The following PFKFB3 variants were observed in gnomAD, a reference collection of about 807,000 sequenced individuals.
PFKFB3 encodes the protein 6-phosphofructo-2-kinase/fructose-2,6-bisphosphatase 3.
A neutral mutation model predicts 68.0 loss-of-function variants in PFKFB3; 33 were observed. That is an observed-to-expected ratio of 0.49 (90% confidence interval 0.37 to 0.65). PFKFB3 has a LOEUF of 0.65. Among genes scored for constraint, PFKFB3 ranks in the 30% least tolerant of loss-of-function variants. PFKFB3 has a pLI of 0.00. For synonymous variants in PFKFB3, 315 were observed against 288.2 expected (o/e 1.09, Z -0.94); for missense variants, 586 against 712.2 (o/e 0.82, Z 2.02).
intron 1 of PFKFB3, among the ~76,000 whole-genome samples, chr10:6,207,426 G>A (rs979283690): frequency 3.3e-5 from 5 of 152,140 alleles, no homozygotes; most frequent in Admixed American, 6.5e-5. Context: ...GGGAGACCGT[G>A]GGGAGAGGGA....
intron 1 of PFKFB3, among the ~76,000 whole-genome samples, chr10:6,187,045 G>A (rs550113077): frequency 1.3e-5 from 2 of 152,032 alleles, no homozygotes; most frequent in South Asian, 2.1e-4. Context: ...GTGCGGTGTG[G>A]GCTTCTGAAA....
chr10:6,310,270 T>G, the PFKFB3 span, among the ~76,000 whole-genome samples: 1 of 152,036 alleles, frequency 6.6e-6, no homozygotes. Flanking sequence ...TGTCCCTGGA[T>G]GGAAACTAGG....
At chr10:6,158,673 C>G (rs936336632) in intron 1 of PFKFB3, among the ~76,000 whole-genome samples, 2 of 152,100 alleles carry the variant, frequency 1.3e-5, no homozygotes, top group Non-Finnish European at 2.9e-5. Flanking sequence ...CAAGACCAGC[C>G]TGGTCGACAT....
the PFKFB3 span, among the ~76,000 whole-genome samples, chr10:6,317,456 A>G: frequency 6.6e-6 from 1 of 152,184 alleles, no homozygotes; most frequent in African/African-American, 2.4e-5. Flanking sequence ...GGGTGTAGGC[A>G]ATTTTCAGGT....
Position 6,234,780 on chromosome 10 carries a change from G to A in PFKFB3, c.*1838G>A, listed in dbSNP as rs1539234. ...TCGCAGGCCTCATTCTTTGAACATC[G>A]ACTCTGAAGTTTGATACAGATAGGG... On this transcript the variant is annotated 3_prime_UTR_variant, in exon 15 of 15. Transcript: ENST00000379775. The A allele has an allele frequency of 0.63, 95,335 of 152,138 alleles. 31,095 individuals carry two copies. The highest frequency in any genetic ancestry group is 0.81 in the African/African-American group (33,578 of 41,454). The allele number at this position is 152,138 out of a possible 1,614,324, so 9.4% of individuals were successfully genotyped here.
chr10:6,283,361 G>T, the PFKFB3 span, among the ~76,000 whole-genome samples: 1 of 152,218 alleles, frequency 6.6e-6, no homozygotes, highest in Non-Finnish European at 1.5e-5. Context: ...CAAAGCAGAA[G>T]TAAGTTTCTT....
Position 6,210,031 on chromosome 10 carries a change from C to T in PFKFB3, c.77-3592C>T, listed in dbSNP as rs546511104. On this transcript the variant is annotated intron_variant, in intron 1 of 14. Coordinates refer to ENST00000379775, the MANE Select transcript of PFKFB3 (RefSeq NM_004566.4). ...CCTCCCAAAGTGCTGGGATTACAGGCGTGAGCCACCGTGCCCGGCCTAATA... is the reference window on the plus strand; with the variant it reads ...CCTCCCAAAGTGCTGGGATTACAGGTGTGAGCCACCGTGCCCGGCCTAATA... 4.3e-5 allele frequency among the ~76,000 whole-genome samples: 6 copies of T among 138,852 alleles called. 1 individual carries two copies. In the East Asian group the frequency reaches 6.1e-4, roughly 14 times the overall value. The allele number at this position is 138,852 out of a possible 152,430, so 91.1% of individuals were successfully genotyped here.
At chr10:6,214,022 C>T (rs867800704) in intron 2 of PFKFB3, among the ~76,000 whole-genome samples, 4 of 152,238 alleles carry the variant, frequency 2.6e-5, no homozygotes, top group African/African-American at 9.6e-5. Flanking sequence ...CTCCAGCCAC[C>T]TCAGTCCTTT....
chr10:6,218,935 G>C (rs1346754968), intron 6 of PFKFB3, among the ~76,000 whole-genome samples: 1 of 152,218 alleles, frequency 6.6e-6, no homozygotes, highest in Non-Finnish European at 1.5e-5. Flanking sequence ...AAGAGCCCAG[G>C]CATTCAGAAA....
At chr10:6,254,126 C>G (rs1445693340) in intron 14 of PFKFB3, 1 of 384,358 alleles carries the variant, frequency 2.6e-6, no homozygotes, top group Non-Finnish European at 4.5e-6. Flanking sequence ...CTCTTTAGCC[C>G]TTTCTGAGGT....
the PFKFB3 span, among the ~76,000 whole-genome samples, chr10:6,319,980 C>G: frequency 6.6e-6 from 1 of 152,186 alleles, no homozygotes; most frequent in African/African-American, 2.4e-5. Flanking sequence ...AGGAGGATCA[C>G]TTGAGCCCAA....
chr10:6,198,266 A>G (rs914269218), upstream of PFKFB3, among the ~76,000 whole-genome samples: 1 of 151,990 alleles, frequency 6.6e-6, no homozygotes, highest in East Asian at 1.9e-4. Flanking sequence ...AAAAAAGAAA[A>G]AGAAAAGAAA....
At chr10:6,194,526 C>T (rs1362652107) in intron 1 of PFKFB3, among the ~76,000 whole-genome samples, 1 of 152,180 alleles carries the variant, frequency 6.6e-6, no homozygotes, top group African/African-American at 2.4e-5. Flanking sequence ...GCAGGCTTAA[C>T]CCATGTGCAG....
chr10:6,181,270 C>T (rs571415351), intron 1 of PFKFB3, among the ~76,000 whole-genome samples: 5 of 152,192 alleles, frequency 3.3e-5, no homozygotes, highest in Non-Finnish European at 7.3e-5. Context: ...ATCCTCTAGT[C>T]TCAGCCTCAG....
chr10:6,165,210 A>G (rs989852841), intron 1 of PFKFB3, among the ~76,000 whole-genome samples: 4 of 152,138 alleles, frequency 2.6e-5, no homozygotes, highest in Admixed American at 2.6e-4. Context: ...GAGAATGGCG[A>G]TGACTTTTAC....
intron 1 of PFKFB3, among the ~76,000 whole-genome samples, chr10:6,179,840 G>A (rs75749908): frequency 6.6e-6 from 1 of 152,172 alleles, no homozygotes; most frequent in Non-Finnish European, 1.5e-5. Context: ...CCAAAGTGGG[G>A]AGGGAGTGGT....
chr10:6,304,182 TGCA>T, the PFKFB3 span, among the ~76,000 whole-genome samples: 36 of 152,338 alleles, frequency 2.4e-4, no homozygotes, highest in African/African-American at 8.7e-4. Context: ...GTTTACTTAC[TGCA>T]GTAACAGATA....
At chr10:6,280,667 G>A in the PFKFB3 span, among the ~76,000 whole-genome samples, 2 of 152,298 alleles carry the variant, frequency 1.3e-5, no homozygotes, top group South Asian at 4.1e-4. Flanking sequence ...AGAGGGGCAT[G>A]AGGCTCTCTA....
chr10:6,255,647 GT>G (rs1280894294), downstream of PFKFB3, among the ~76,000 whole-genome samples: 1 of 152,194 alleles, frequency 6.6e-6, no homozygotes, highest in Non-Finnish European at 1.5e-5. Context: ...AACAAACGAT[GT>G]AGTTGATGGG....
Sources: allele counts gnomAD v4.1 joint callset (sites outside exome capture counted in the v4.1 genomes callset), GRCh38; gene constraint gnomAD v4.1.1; transcripts MANE v1.5; gene names NCBI Gene and HGNC (gene_info 2026-07-23, HGNC 2026-07-21).